The following DDX11 variants were observed in gnomAD, a reference collection of about 807,000 sequenced individuals.
DDX11 encodes ATP-dependent DNA helicase DDX11.
A neutral mutation model predicts 125.2 loss-of-function variants in DDX11; 72 were observed. That is an observed-to-expected ratio of 0.58 (90% CI 0.48 to 0.70). DDX11 has a LOEUF of 0.70. Ranked by LOEUF, DDX11 falls within the 30% of genes least tolerant of loss-of-function variation. DDX11 has a pLI of 0.00. For missense variants in DDX11, 883 were observed against 1,165.0 expected, an observed-to-expected ratio of 0.76 and a Z score of 3.52; for synonymous variants, 347 against 452.6, an observed-to-expected ratio of 0.77 and a Z score of 2.96.
At chr12:31,094,705 C>A (rs1944910015) in intron 13 of DDX11, 50 bp from the exon 14 acceptor site, 1 of 1,582,504 alleles carries the variant, frequency 6.3e-7, no homozygotes, top group African/African-American at 1.4e-5. Context: ...GGGACTGAAA[C>A]CTGAGGCTTA....
intron 18 of DDX11, 114 bp downstream of exon 18, chr12:31,098,111 A>G (rs1764651434): frequency 1.5e-6 from 1 of 682,528 alleles, no homozygotes; most frequent in Middle Eastern, 4.2e-4. Flanking sequence ...AGAAAGGGTC[A>G]GCTCGAGCAG....
chr12:31,096,572 C>A, intron 15 of DDX11, 65 bp from the exon 16 acceptor site: 2 of 1,593,782 alleles, frequency 1.3e-6, no homozygotes, highest in South Asian at 1.1e-5. Context: ...AGCCTCCGAT[C>A]CACCCAGCCT....
intron 2 of DDX11, 128 bp from the exon 3 acceptor site, chr12:31,083,685 G>A (rs1369776905): frequency 5.7e-6 from 7 of 1,238,494 alleles, no homozygotes; most frequent in Non-Finnish European, 8.2e-6. Context: ...TCCTTTCCTA[G>A]GCTGGTCTTA....
chr12:31,093,106 G>A (rs1211017549), intron 11 of DDX11, 139 bp from the exon 12 acceptor site: 3 of 1,082,850 alleles, frequency 2.8e-6, no homozygotes, highest in Non-Finnish European at 4.1e-6. Flanking sequence ...CTGGGGCCGT[G>A]GCCAGCCTGC....
rs1467965765 is a variant in DDX11, at chr12:31,099,080, C to CTTTTTTTTTTTTTTTTTT, written c.1875+1086_1875+1087insTTTTTTTTTTTTTTTTTT. Among the ~76,000 whole-genome samples, 394 of 81,164 alleles carry CTTTTTTTTTTTTTTTTTT rather than the reference C, an allele frequency of 4.9e-3. 58 individuals are homozygous for CTTTTTTTTTTTTTTTTTT. Among genetic ancestry groups the CTTTTTTTTTTTTTTTTTT allele is most frequent in the African/African-American group, 5.9e-3 (93 of 15,834 alleles). 53.2% of individuals were successfully genotyped at this position (81,164 alleles called of 152,430 possible). Reference sequence around the variant, plus strand: ...AATCCATACTGGTATTTCTTTCTTTCTTTCTTTTTTTTTTTTTTTTTTTTT... The same window carrying CTTTTTTTTTTTTTTTTTT: ...AATCCATACTGGTATTTCTTTCTTTCTTTTTTTTTTTTTTTTTTTTTCTTTTTTTTTTTTTTTTTTTTT... On this transcript the variant is annotated intron_variant, in intron 18 of 26. Transcript: ENST00000542838.
intron 6 of DDX11, among the ~76,000 whole-genome samples, chr12:31,088,449 T>C (rs1943563963): frequency 6.6e-6 from 1 of 152,212 alleles, no homozygotes; most frequent in Non-Finnish European, 1.5e-5. Flanking sequence ...CCTTTGGGTC[T>C]CTCATGGTGT....
chr12:31,084,576 C>T lies in DDX11; in HGVS notation c.394-7C>T, dbSNP rs368186988. On this transcript the variant is annotated splice_polypyrimidine_tract_variant and splice_region_variant and intron_variant, in intron 3 of 26. Transcript: ENST00000542838. ...TGGTGATTTTCCTTCATGTCTGCCT[C>T]CTGTAGGCGGAGCAGGCCAGGAGGA... 3.2e-4 allele frequency: 507 copies of T among 1,591,948 alleles called. No homozygotes were observed. Among genetic ancestry groups the T allele is most frequent in the Non-Finnish European group, 4.1e-4 (477 of 1,167,304 alleles).
rs199940598 is a variant in DDX11, at chr12:31,090,045, C to A, written c.1040C>A (p.Ala347Asp). 5,051 of 1,552,438 alleles carry A rather than the reference C, an allele frequency of 3.3e-3. 108 individuals are homozygous for A. In the African/African-American group the frequency reaches 0.061, roughly 19 times the overall value. Residue 347 changes from alanine (A) to aspartate (D), a missense_variant, in exon 9 of 27, where the codon GCC becomes GAC. Ala to Asp is a moderately radical substitution (Grantham distance 126, BLOSUM62 -2). Around this residue, in one of 5 missense-constraint regions of DDX11, gnomAD observed 72 missense variants for 159.7 expected, o/e 0.45. Coordinates refer to ENST00000542838, the MANE Select transcript of DDX11 (RefSeq NM_030653.4). ...MEQLLALGKE[A>D]RACPYYGSRL... is the part of the protein sequence containing the mutation. Reference sequence around the variant, plus strand: ...CAGCTGCTGGCCCTTGGGAAGGAGGCCCGGGCCTGTCCCTATTACGGGAGC... The same window carrying A: ...CAGCTGCTGGCCCTTGGGAAGGAGGACCGGGCCTGTCCCTATTACGGGAGC...
At position 31,084,002 on chromosome 12, in the gene DDX11, G is replaced by C. The variant is rs756432362; in HGVS notation, c.334G>C (p.Ala112Pro). The C allele has an allele frequency of 6.2e-7, 1 of 1,613,984 alleles. No individual in the cohort carries two copies. The highest frequency in any genetic ancestry group is 1.7e-5 in the Admixed American group (1 of 60,020). ...AGTPRPAGEP[A>P]WVTQFVQKKE... ...CACCCCGAGGCCTGCTGGAGAACCG[G>C]CCTGGGTTACTCAGTTTGTGCAGAA... Residue 112 changes from alanine to proline, a missense_variant, in exon 3 of 27, where the codon GCC becomes CCC. Ala to Pro is a conservative substitution (Grantham distance 27, BLOSUM62 -1). Around this residue, in one of 5 missense-constraint regions of DDX11, gnomAD observed 283 missense variants for 359.6 expected, o/e 0.79. Coordinates refer to ENST00000542838, the MANE Select transcript of DDX11 (RefSeq NM_030653.4).
chr12:31,094,706 C>T (rs1319071538), intron 13 of DDX11, 49 bp from the exon 14 acceptor site: 3 of 1,584,682 alleles, frequency 1.9e-6, no homozygotes, highest in African/African-American at 2.7e-5. Flanking sequence ...GGACTGAAAC[C>T]TGAGGCTTAG....
chr12:31,097,803 C>T (rs1179618602), intron 17 of DDX11, 82 bp from the exon 18 acceptor site: 3 of 816,250 alleles, frequency 3.7e-6, no homozygotes, highest in East Asian at 5.8e-5. Context: ...CAGACCTGGA[C>T]TCACCTGGGG....
chr12:31,102,302 G>A lies in DDX11; in HGVS notation c.2262G>A (p.Arg754=), dbSNP rs757678697. Residue 754 remains arginine, a synonymous_variant, in exon 22 of 27, where the codon AGG becomes AGA. Transcript: ENST00000542838. ...AGCAGGTGCTGCTGGCATATTCCAG[G>A]TGCATCCAGGTGCGGGCGTCATGCT... ...QVEQVLLAYS[R]CIQACGQERG... 2.5e-6 allele frequency: 4 copies of A among 1,614,162 alleles called. No individual in the cohort carries two copies. Among genetic ancestry groups the A allele is most frequent in the Admixed American group, 3.3e-5 (2 of 60,028 alleles).
chr12:31,083,661 T>C (rs1242688363), intron 2 of DDX11, 152 bp from the exon 3 acceptor site: 8 of 990,274 alleles, frequency 8.1e-6, no homozygotes, highest in Non-Finnish European at 1.2e-5. Context: ...ATTCTAGTGC[T>C]AATTTCCTTC....
At chr12:31,094,318 G>A in intron 12 of DDX11, 1 of 445,564 alleles carries the variant, frequency 2.2e-6, no homozygotes, top group Non-Finnish European at 4.3e-6. Context: ...TCTGGCTGCT[G>A]TGTCCCGGCC....
At position 31,102,916 on chromosome 12, in the gene DDX11, C is replaced by A. The variant is rs372628757; in HGVS notation, c.2373-20C>A. 6.2e-7 allele frequency: 1 copy of A among 1,613,390 alleles called. No homozygotes were observed. The highest frequency in any genetic ancestry group is 8.5e-7 in the Non-Finnish European group (1 of 1,179,404). On this transcript the variant is annotated intron_variant, in intron 23 of 26. Transcript: ENST00000542838. ...GAGGTCCTGACGTCCACCTGCTGGG[C>A]TCTTGTCTCCCCCGCCCAGGTGTGT...
chr12:31,094,482 A>C (rs1237598049), intron 12 of DDX11, 108 bp from the exon 13 acceptor site: 1 of 1,532,364 alleles, frequency 6.5e-7, no homozygotes, highest in African/African-American at 1.4e-5. Flanking sequence ...AGCCATTTAA[A>C]TACAGATGCT....
In DDX11 at chr12:31,091,826, C is replaced by A; in HGVS notation, c.1197C>A (p.Ile399=). The change falls in exon 10 of 27, where the codon ATC becomes ATA. Residue 399 remains isoleucine, a synonymous_variant. Transcript: ENST00000542838. ...VVIIDEAHNL[I]DTITGMHSVE... ...TCATCGACGAGGCGCACAACCTGAT[C>A]GACACCATCACGGGCATGCACAGCG... 1.2e-6 allele frequency: 2 copies of A among 1,613,918 alleles called. No homozygotes were observed. Among genetic ancestry groups the A allele is most frequent in the South Asian group, 1.1e-5 (1 of 91,078 alleles).
intron 2 of DDX11, among the ~76,000 whole-genome samples, chr12:31,080,779 C>T (rs995756623): frequency 2.6e-5 from 4 of 152,200 alleles, no homozygotes; most frequent in Non-Finnish European, 5.9e-5. Context: ...GGGTGTTGCT[C>T]TGTTGCCCAG....
At chr12:31,084,750 C>G (rs192119083) in intron 4 of DDX11, 81 bp downstream of exon 4, 14,089 of 1,364,382 alleles carry the variant, frequency 0.01, 82 homozygotes, top group Non-Finnish European at 0.013. Flanking sequence ...GTGGTCAGGG[C>G]CTTGGTCTCC....
Sources: gnomAD v4.1 joint callset for allele counts (sites outside exome capture counted in the v4.1 genomes callset) on GRCh38, gnomAD v4.1.1 for gene constraint, gnomAD v4.1.1 regional missense constraint, MANE v1.5 for transcripts, NCBI Gene and HGNC (gene_info 2026-07-23, HGNC 2026-07-21) for gene names.